CCNB3: variants seen among roughly 807,000 people sequenced by gnomAD.
CCNB3 encodes the protein G2/mitotic-specific cyclin-B3.
In CCNB3, 12 loss-of-function variants were observed where a neutral mutation model predicts 68.0. The observed-to-expected ratio is 0.18, with a 90% CI of 0.11 to 0.29. The LOEUF is 0.29. Among genes scored for constraint, CCNB3 ranks in the 10% least tolerant of loss-of-function variants. The probability of loss-of-function intolerance (pLI) is 1.00; values close to 1 mark genes in which losing one functional copy is unlikely to be tolerated. For synonymous variants in CCNB3, 354 were observed against 388.9 expected (o/e 0.91, Z 1.06); for missense variants, 904 against 993.1 (o/e 0.91, Z 1.21).
chrX:50,228,963 C>CAGAATATATATATAAATAT (rs1936003483), intron 1 of CCNB3, among the ~76,000 whole-genome samples: 1 of 13 alleles, frequency 0.077, no homozygotes, highest in Non-Finnish European at 0.17. Flanking sequence ...TAAATATACA[C>CAGAATATATATATAAATAT]ANNNNNNNNN....
intron 9 of CCNB3, 123 bp from the exon 10 acceptor site, chrX:50,346,529 T>A (rs2147104224): frequency 2.8e-6 from 2 of 722,204 alleles, no homozygotes; most frequent in South Asian, 5.8e-5. Flanking sequence ...AAGCTGAGTC[T>A]CAGAGATACC....
intron 8 of CCNB3, among the ~76,000 whole-genome samples, chrX:50,332,018 T>G (rs2147088648): frequency 8.9e-6 from 1 of 111,784 alleles, no homozygotes; most frequent in East Asian, 2.8e-4. Context: ...CCACATTCAT[T>G]TACACACAGT....
intron 1 of CCNB3, among the ~76,000 whole-genome samples, chrX:50,213,127 T>A (rs1935508980): frequency 1.3e-5 from 1 of 78,686 alleles, no homozygotes. Context: ...TTATCTCTGT[T>A]CCACACAGAT....
chrX:50,210,622 C>T (rs1475775493), intron 1 of CCNB3, among the ~76,000 whole-genome samples: 1 of 110,929 alleles, frequency 9.0e-6, no homozygotes. Flanking sequence ...ATTTACTTAG[C>T]GAACAGATTT....
At chrX:50,302,719 G>C (rs1220217243) in intron 5 of CCNB3, among the ~76,000 whole-genome samples, 1 of 111,593 alleles carries the variant, frequency 9.0e-6, no homozygotes, top group Admixed American at 9.5e-5. Flanking sequence ...ACAATGTGTG[G>C]TCTTTTGTGT....
intron 5 of CCNB3, among the ~76,000 whole-genome samples, chrX:50,298,497 G>C (rs1301718376): frequency 1.8e-5 from 2 of 111,695 alleles, no homozygotes; most frequent in African/African-American, 6.5e-5. Flanking sequence ...TGATCATGGT[G>C]GATAAGCTTT....
chrX:50,211,876 G>A (rs1329331155), intron 1 of CCNB3, among the ~76,000 whole-genome samples: 2 of 112,162 alleles, frequency 1.8e-5, no homozygotes, highest in Admixed American at 1.9e-4. Flanking sequence ...TGTGTATGTC[G>A]TATTTATTGA....
At chrX:50,279,872 AAT>A (rs1288205784) in intron 1 of CCNB3, among the ~76,000 whole-genome samples, 2 of 87,407 alleles carry the variant, frequency 2.3e-5, no homozygotes, top group African/African-American at 4.3e-5. Context: ...CTATATATAA[AAT>A]ATATATAGTA....
At chrX:50,218,801 A>T (rs980437510) in intron 1 of CCNB3, among the ~76,000 whole-genome samples, 4 of 111,886 alleles carry the variant, frequency 3.6e-5, no homozygotes, top group African/African-American at 6.5e-5. Flanking sequence ...ATACCCAGTG[A>T]TGGGATTGCT....
At chrX:50,225,211 T>A (rs1366003894) in intron 1 of CCNB3, among the ~76,000 whole-genome samples, 2 of 111,066 alleles carry the variant, frequency 1.8e-5, no homozygotes, top group African/African-American at 3.3e-5. Flanking sequence ...AGCTGAGACT[T>A]GATCCTTGAG....
At position 50,211,891 on chromosome X, in the gene CCNB3, T is replaced by G. The variant is rs1935488219; in HGVS notation, c.-113+6941T>G. Among the ~76,000 whole-genome samples, 4 of 112,269 alleles carry G rather than the reference T, an allele frequency of 3.6e-5. No individual in the cohort carries two copies. In the Admixed American group the frequency reaches 3.8e-4, roughly 11 times the overall value. ...TGTGTATGTCGTATTTATTGATACA[T>G]TTCCTTAATATTTCCATCATGAAGA... On this transcript the variant is annotated intron_variant, in intron 1 of 12. Transcript: ENST00000376042.
intron 1 of CCNB3, among the ~76,000 whole-genome samples, chrX:50,280,860 A>T (rs1165878245): frequency 9.0e-6 from 1 of 110,583 alleles, no homozygotes; most frequent in Non-Finnish European, 1.9e-5. Context: ...CCCGGGCTCA[A>T]GTGATCCTAC....
At chrX:50,317,487 G>A (rs1369763582) in intron 8 of CCNB3, among the ~76,000 whole-genome samples, 1 of 110,587 alleles carries the variant, frequency 9.0e-6, no homozygotes, top group Non-Finnish European at 1.9e-5. Flanking sequence ...CCTAAACCTA[G>A]GTCAGGAATA....
At chrX:50,319,993 AT>A (rs1346258790) in intron 8 of CCNB3, among the ~76,000 whole-genome samples, 2 of 110,659 alleles carry the variant, frequency 1.8e-5, no homozygotes, top group African/African-American at 6.6e-5. Context: ...CTTTTTAGGT[AT>A]TGCTGGATTT....
At chrX:50,305,561 C>T (rs1357064367) in intron 5 of CCNB3, among the ~76,000 whole-genome samples, 5 of 109,698 alleles carry the variant, frequency 4.6e-5, no homozygotes, top group South Asian at 4.0e-4. Flanking sequence ...TGTTAAATGA[C>T]GAGTTAATGG....
chrX:50,313,588 T>A (rs1310456049), intron 7 of CCNB3, among the ~76,000 whole-genome samples: 1 of 111,898 alleles, frequency 8.9e-6, no homozygotes, highest in Non-Finnish European at 1.9e-5. Flanking sequence ...GGGCAGAACC[T>A]TTTTGGCATT....
At chrX:50,313,347 A>T (rs1490576828) in intron 7 of CCNB3, among the ~76,000 whole-genome samples, 10 of 111,685 alleles carry the variant, frequency 9.0e-5, no homozygotes, top group Middle Eastern at 4.6e-3. Flanking sequence ...TTTTTCTGGC[A>T]TACCTAAGTA....
chrX:50,217,308 C>G (rs1252870087), intron 1 of CCNB3, among the ~76,000 whole-genome samples: 1 of 75,756 alleles, frequency 1.3e-5, no homozygotes, highest in African/African-American at 5.4e-5. Context: ...GAGTCTTGCT[C>G]TGTGGCCCAG....
At chrX:50,345,910 G>C (rs1045845074) in intron 9 of CCNB3, among the ~76,000 whole-genome samples, 3 of 112,391 alleles carry the variant, frequency 2.7e-5, no homozygotes, top group Non-Finnish European at 5.6e-5. Context: ...GGGGAAAGGT[G>C]GGGGAAGAAA....
Sources: gnomAD v4.1 joint callset for allele counts (sites outside exome capture counted in the v4.1 genomes callset) on GRCh38, gnomAD v4.1.1 for gene constraint, MANE v1.5 for transcripts, NCBI Gene and HGNC (gene_info 2026-07-23, HGNC 2026-07-21) for gene names.